Variants in LHFPL6 observed in about 807,000 individuals in gnomAD.
The protein encoded by LHFPL6 is LHFPL tetraspan subfamily member 6 protein.
A neutral mutation model predicts 20.6 loss-of-function variants in LHFPL6; 9 were observed. The ratio of observed to expected loss-of-function variants is 0.44; its 90% CI spans 0.26 to 0.76. LHFPL6 has a LOEUF of 0.76. Among genes scored for constraint, LHFPL6 ranks in the 30% least tolerant of loss-of-function variants. The probability of loss-of-function intolerance (pLI) is 0.20; values close to 1 mark genes in which losing one functional copy is unlikely to be tolerated. For synonymous variants in LHFPL6, 105 were observed against 98.7 expected, an observed-to-expected ratio of 1.06 and a Z score of -0.38; for missense variants, 218 against 253.5, an observed-to-expected ratio of 0.86 and a Z score of 0.95.
intron 2 of LHFPL6, among the ~76,000 whole-genome samples, chr13:39,534,970 G>A (rs1266242538): frequency 2.0e-5 from 3 of 152,100 alleles, no homozygotes; most frequent in Non-Finnish European, 4.4e-5. Flanking sequence ...CTGAAATCAG[G>A]ATGTTGGCAG....
At chr13:39,486,159 A>G (rs1868718262) in intron 2 of LHFPL6, among the ~76,000 whole-genome samples, 1 of 152,144 alleles carries the variant, frequency 6.6e-6, no homozygotes, top group African/African-American at 2.4e-5. Context: ...TCTTAGTAAG[A>G]CTGTAAGCAT....
intron 3 of LHFPL6, among the ~76,000 whole-genome samples, chr13:39,345,602 G>A (rs1349741145): frequency 6.6e-6 from 1 of 150,690 alleles, no homozygotes; most frequent in Non-Finnish European, 1.5e-5. Flanking sequence ...CTGTTGCTTG[G>A]CAAGAGTGAC....
Position 39,538,954 on chromosome 13 carries a change from C to T in LHFPL6, c.385+61878G>A, listed in dbSNP as rs953655031. Among the ~76,000 whole-genome samples the T allele has an allele frequency of 3.9e-5, 6 of 152,092 alleles. 1 individual carries two copies. In the South Asian group the frequency reaches 1.0e-3, roughly 26 times the overall value. Reference sequence around the variant, plus strand: ...GTAAGAGTAAATATTTTAGGCTTCGCGGGCCATATGGATTCCATTGCAATT... The same window carrying T: ...GTAAGAGTAAATATTTTAGGCTTCGTGGGCCATATGGATTCCATTGCAATT... On this transcript the variant is annotated intron_variant, in intron 2 of 3. Coordinates refer to ENST00000379589, the MANE Select transcript of LHFPL6 (RefSeq NM_005780.3).
chr13:39,391,149 T>C (rs373808716), intron 2 of LHFPL6, among the ~76,000 whole-genome samples: 131 of 152,374 alleles, frequency 8.6e-4, no homozygotes, highest in African/African-American at 2.8e-3. Context: ...TGATGGCAGA[T>C]ACTACTTATC....
chr13:39,473,534 G>C (rs1051268603), intron 2 of LHFPL6, among the ~76,000 whole-genome samples: 1 of 151,744 alleles, frequency 6.6e-6, no homozygotes, highest in African/African-American at 2.4e-5. Context: ...TTCAGACTTA[G>C]TTTAATTTCT....
At chr13:39,347,522 T>G (rs1205923747) in intron 3 of LHFPL6, among the ~76,000 whole-genome samples, 1 of 152,224 alleles carries the variant, frequency 6.6e-6, no homozygotes, top group African/African-American at 2.4e-5. Context: ...CGGCCTCATC[T>G]AGAGAGTGTG....
At position 39,387,764 on chromosome 13, in the gene LHFPL6, C is replaced by T. The variant is rs532573071; in HGVS notation, c.386-9238G>A. Reference sequence around the variant, plus strand: ...GTTCACTGTCCCATCTCTGGGCTTACTTTCCATAGCCACACACACACTGAA... The same window carrying T: ...GTTCACTGTCCCATCTCTGGGCTTATTTTCCATAGCCACACACACACTGAA... On this transcript the variant is annotated intron_variant, in intron 2 of 3. Transcript: ENST00000379589. 1.8e-4 allele frequency among the ~76,000 whole-genome samples: 28 copies of T among 152,210 alleles called. No homozygotes were observed. In the South Asian group the frequency reaches 5.6e-3, roughly 30 times the overall value.
intron 2 of LHFPL6, among the ~76,000 whole-genome samples, chr13:39,409,751 G>A (rs191232191): frequency 1.1e-3 from 162 of 152,244 alleles, no homozygotes; most frequent in Non-Finnish European, 1.8e-3. Flanking sequence ...AATTACAAAT[G>A]TCATTTGGTT....
chr13:39,427,556 T>G (rs1416865535), intron 2 of LHFPL6, among the ~76,000 whole-genome samples: 2 of 152,336 alleles, frequency 1.3e-5, no homozygotes, highest in East Asian at 3.9e-4. Context: ...TTTAAACTTC[T>G]AAAAACACTG....
chr13:39,506,405 T>C (rs1593340059), intron 2 of LHFPL6, among the ~76,000 whole-genome samples: 1 of 152,120 alleles, frequency 6.6e-6, no homozygotes, highest in South Asian at 2.1e-4. Flanking sequence ...TCAGAGAAGA[T>C]AGTAAACATT....
At position 39,460,814 on chromosome 13, in the gene LHFPL6, G is replaced by A. The variant is rs571061123; in HGVS notation, c.386-82288C>T. On this transcript the variant is annotated intron_variant, in intron 2 of 3. Coordinates refer to ENST00000379589, the MANE Select transcript of LHFPL6 (RefSeq NM_005780.3). Reference sequence around the variant, plus strand: ...AAACAAGACGTCCTTTCATCTGTGCGTGTTTTTTTCTTTTTTTCCTTTCCA... The same window carrying A: ...AAACAAGACGTCCTTTCATCTGTGCATGTTTTTTTCTTTTTTTCCTTTCCA... Among the ~76,000 whole-genome samples the A allele has an allele frequency of 1.1e-4, 16 of 152,272 alleles. 1 individual carries two copies. The highest frequency in any genetic ancestry group is 4.2e-4 in the South Asian group (2 of 4,810).
intron 2 of LHFPL6, among the ~76,000 whole-genome samples, chr13:39,434,724 TAAAAAAATGCCA>T (rs1871908071): frequency 1.3e-5 from 2 of 151,864 alleles, no homozygotes; most frequent in Admixed American, 1.3e-4. Flanking sequence ...ACGCTTGCAA[TAAAAAAATGCCA>T]ATGTTACTTA....
intron 2 of LHFPL6, among the ~76,000 whole-genome samples, chr13:39,586,438 T>C (rs2138544422): frequency 6.6e-6 from 1 of 152,314 alleles, no homozygotes; most frequent in Middle Eastern, 3.4e-3. Flanking sequence ...GTAACGACAA[T>C]ATTTACTACT....
chr13:39,591,307 G>C (rs1566149530), intron 2 of LHFPL6, among the ~76,000 whole-genome samples: 1 of 152,156 alleles, frequency 6.6e-6, no homozygotes, highest in Non-Finnish European at 1.5e-5. Context: ...AATGATGGTG[G>C]GGTTTGCAAT....
In LHFPL6 at chr13:39,598,197, G is replaced by A. The variant is rs140712164; in HGVS notation, c.385+2635C>T. On this transcript the variant is annotated intron_variant, in intron 2 of 3. Transcript: ENST00000379589. ...CAACTCATCATAGGAAAAATTTATT[G>A]AAATAAAATTACTTACTGCATAAGT... 3.4e-3 allele frequency among the ~76,000 whole-genome samples: 519 copies of A among 152,108 alleles called. 5 individuals carry two copies. Among genetic ancestry groups the A allele is most frequent in the African/African-American group, 0.012 (497 of 41,508 alleles).
At chr13:39,538,563 T>G (rs75714680) in intron 2 of LHFPL6, among the ~76,000 whole-genome samples, 1 of 149,578 alleles carries the variant, frequency 6.7e-6, no homozygotes, top group Non-Finnish European at 1.5e-5. Context: ...TTTTCAGGAG[T>G]CAGTGTCATG....
At chr13:39,500,618 C>A (rs964425948) in intron 2 of LHFPL6, among the ~76,000 whole-genome samples, 10 of 152,136 alleles carry the variant, frequency 6.6e-5, no homozygotes, top group Admixed American at 5.9e-4. Flanking sequence ...CCTTATTATG[C>A]ACCTGCTGAT....
At chr13:39,394,542 A>T (rs779664844) in intron 2 of LHFPL6, among the ~76,000 whole-genome samples, 1 of 152,178 alleles carries the variant, frequency 6.6e-6, no homozygotes, top group Non-Finnish European at 1.5e-5. Context: ...GTGAACTCAT[A>T]CCTTAAGTCA....
chr13:39,475,172 C>T (rs1873051948), intron 2 of LHFPL6, among the ~76,000 whole-genome samples: 1 of 152,194 alleles, frequency 6.6e-6, no homozygotes, highest in Non-Finnish European at 1.5e-5. Context: ...GCAGAAGAAC[C>T]ATCTGTGAGA....
Sources: allele counts gnomAD v4.1 joint callset (sites outside exome capture counted in the v4.1 genomes callset), GRCh38; gene constraint gnomAD v4.1.1; transcripts MANE v1.5; gene names NCBI Gene and HGNC (gene_info 2026-07-23, HGNC 2026-07-21).